Variants in CES5A observed in about 807,000 individuals in gnomAD.
CES5A encodes carboxylesterase 5.
In CES5A, 67 loss-of-function variants were observed where a neutral mutation model predicts 62.9. The ratio of observed to expected loss-of-function variants is 1.07; its 90% CI spans 0.88 to 1.31. The LOEUF is 1.31. Among genes scored for constraint, CES5A ranks in the 50% most tolerant of loss-of-function variants. CES5A has a pLI of 0.00. For synonymous variants in CES5A, 296 were observed against 280.8 expected (o/e 1.05, Z -0.54); for missense variants, 748 against 708.5 (o/e 1.06, Z -0.63).
At chr16:55,879,883 G>A (rs1311590681), upstream of CES5A, among the ~76,000 whole-genome samples, 1 of 152,194 alleles carries the variant, frequency 6.6e-6, no homozygotes, top group Non-Finnish European at 1.5e-5. Flanking sequence ...GTGTGGCCAG[G>A]CATGGGCCAC....
intron 1 of CES5A, among the ~76,000 whole-genome samples, chr16:55,915,533 G>A (rs1043825982): frequency 2.0e-4 from 31 of 152,236 alleles, no homozygotes; most frequent in African/African-American, 2.9e-4. Flanking sequence ...GGAAGAGTTG[G>A]AGGAGAAATA....
upstream of CES5A, among the ~76,000 whole-genome samples, chr16:55,927,604 A>G (rs1172043716): frequency 4.6e-5 from 7 of 152,228 alleles, no homozygotes; most frequent in Non-Finnish European, 1.0e-4. Context: ...CAATTTTTAC[A>G]AGTCAAAAAT....
At chr16:55,903,179 G>C (rs1263214922) in intron 1 of CES5A, among the ~76,000 whole-genome samples, 1 of 152,020 alleles carries the variant, frequency 6.6e-6, no homozygotes, top group East Asian at 1.9e-4. Flanking sequence ...CCTTTGAGTT[G>C]GTGAGAAACA....
At chr16:55,880,803 G>A (rs2033753730) in intron 1 of CES5A, among the ~76,000 whole-genome samples, 1 of 152,188 alleles carries the variant, frequency 6.6e-6, no homozygotes, top group Non-Finnish European at 1.5e-5. Flanking sequence ...GAAAATGGCA[G>A]TCTCTGTTAA....
At position 55,875,261 on chromosome 16, in the gene CES5A, T is replaced by G. The variant is rs755044861; in HGVS notation, c.-40A>C. ...GCACTCTGTGAACATTGACGGCGGC[T>G]GCTGGCCTCAGAGAGCTTCAGTTGG... On this transcript the variant is annotated 5_prime_UTR_variant, in exon 1 of 13. Transcript: ENST00000290567. 3.7e-6 allele frequency: 6 copies of G among 1,603,788 alleles called. No homozygotes were observed. In the South Asian group the frequency reaches 4.5e-5, roughly 12 times the overall value.
At chr16:55,903,507 C>A (rs1315256486) in intron 1 of CES5A, among the ~76,000 whole-genome samples, 1 of 152,168 alleles carries the variant, frequency 6.6e-6, no homozygotes, top group African/African-American at 2.4e-5. Context: ...CAAGTCACAC[C>A]AACCTCTCTG....
chr16:55,914,405 G>A (rs933950252), intron 1 of CES5A, among the ~76,000 whole-genome samples: 1 of 152,202 alleles, frequency 6.6e-6, no homozygotes, highest in East Asian at 1.9e-4. Flanking sequence ...TCAGGATTTT[G>A]TGTTAGCCCA....
chr16:55,853,009 A>C lies in CES5A; in HGVS notation c.1145T>G (p.Leu382Trp). 1 of 1,614,164 alleles carries C rather than the reference A, an allele frequency of 6.2e-7. No homozygotes were observed. The highest frequency in any genetic ancestry group is 1.1e-5 in the South Asian group (1 of 91,086). The change falls in exon 10 of 13, where the codon TTG (leucine) becomes TGG (tryptophan). Residue 382 changes from leucine (L) to tryptophan (W), a missense_variant. Transcript: ENST00000290567. ...QNILHIPPQY[L>W]HLVANEYFHD... ...GAAGTATTCATTAGCCACAAGGTGC[A>C]AATACTGAGGCGGGATGTGCTGTAA...
chr16:55,931,092 A>G (rs1218859311), intron 2 of CES5A, among the ~76,000 whole-genome samples: 1 of 152,212 alleles, frequency 6.6e-6, no homozygotes, highest in Non-Finnish European at 1.5e-5. Flanking sequence ...TTCCAAGGCC[A>G]TACAGTAATT....
intron 9 of CES5A, among the ~76,000 whole-genome samples, chr16:55,854,977 C>T (rs1236603675): frequency 1.3e-5 from 2 of 152,218 alleles, no homozygotes; most frequent in African/African-American, 2.4e-5. Context: ...GATCTCTTCA[C>T]ACCCCTCTGC....
At chr16:55,896,229 T>C (rs944517160) in intron 1 of CES5A, among the ~76,000 whole-genome samples, 2 of 152,136 alleles carry the variant, frequency 1.3e-5, no homozygotes, top group African/African-American at 4.8e-5. Flanking sequence ...CTGAGACTTG[T>C]TCACTATCAT....
upstream of CES5A, among the ~76,000 whole-genome samples, chr16:55,927,362 A>G (rs1432866147): frequency 2.6e-5 from 4 of 152,202 alleles, no homozygotes; most frequent in African/African-American, 7.2e-5. Flanking sequence ...CACAAACTAT[A>G]CATCTGACAA....
At chr16:55,858,698 C>T (rs1597115144) in intron 8 of CES5A, among the ~76,000 whole-genome samples, 2 of 152,178 alleles carry the variant, frequency 1.3e-5, no homozygotes, top group Admixed American at 1.3e-4. Flanking sequence ...CCTATTTCCT[C>T]CAGCTTAAAA....
In CES5A at chr16:55,873,976, G is replaced by C. The variant is rs140163069; in HGVS notation, c.135C>G (p.Val45=). 12 of 1,612,698 alleles carry C rather than the reference G, an allele frequency of 7.4e-6. No individual in the cohort carries two copies. Among genetic ancestry groups the C allele is most frequent in the Non-Finnish European group, 1.0e-5 (12 of 1,179,660 alleles). The part of the protein sequence containing the change: ...TRLGWIQGKQ[V]TVLGSPVPVN... ...CAGGCACAGGGCTTCCCAGCACAGT[G>C]ACTTGCTTGCCCTGAATCCATCCCA... The change falls in exon 2 of 13, where the codon GTC becomes GTG. Residue 45 remains valine, a synonymous_variant. Coordinates refer to ENST00000290567, the MANE Select transcript of CES5A (RefSeq NM_001143685.2).
chr16:55,881,832 A>G (rs376987491), intron 1 of CES5A, among the ~76,000 whole-genome samples: 11 of 152,298 alleles, frequency 7.2e-5, no homozygotes, highest in East Asian at 1.9e-4. Flanking sequence ...GATCCCTAGT[A>G]TCGGTGTGAA....
In CES5A at chr16:55,865,977, T is replaced by G; in HGVS notation, c.691A>C (p.Ser231Arg). 6.2e-7 allele frequency: 1 copy of G among 1,614,200 alleles called. No homozygotes were observed. Residue 231 changes from serine to arginine, a missense_variant, in exon 5 of 13, where the codon AGT becomes CGT. Coordinates refer to ENST00000290567, the MANE Select transcript of CES5A (RefSeq NM_001143685.2). Reference protein sequence around the residue: ...TIFGESAGAISVSSLILSPMA... With the variant: ...TIFGESAGAIRVSSLILSPMA... ...AGAGAACTCACAAGACTAGAAACAC[T>G]TATGGCTCCCGCGGACTCGCCAAAG...
At chr16:55,931,254 C>A (rs1332443469) in intron 2 of CES5A, among the ~76,000 whole-genome samples, 1 of 152,298 alleles carries the variant, frequency 6.6e-6, no homozygotes, top group East Asian at 1.9e-4. Flanking sequence ...AGTCTATTTT[C>A]TACACAACAT....
At chr16:55,872,369 G>A (rs1433406648) in intron 2 of CES5A, among the ~76,000 whole-genome samples, 1 of 152,174 alleles carries the variant, frequency 6.6e-6, no homozygotes, top group Admixed American at 6.5e-5. Flanking sequence ...AGCCTTCTGA[G>A]ATTTCTCCAG....
chr16:55,867,888 A>G (rs538304474), intron 4 of CES5A, among the ~76,000 whole-genome samples: 225 of 152,246 alleles, frequency 1.5e-3, no homozygotes, highest in African/African-American at 5.3e-3. Flanking sequence ...CATGTTAGCT[A>G]TTGCTTTTGT....
Sources: allele counts gnomAD v4.1 joint callset (sites outside exome capture counted in the v4.1 genomes callset), GRCh38; gene constraint gnomAD v4.1.1; transcripts MANE v1.5; gene names NCBI Gene and HGNC (gene_info 2026-07-23, HGNC 2026-07-21).